Variants in ST18 observed in about 807,000 individuals in gnomAD.
ST18 encodes ST18 C2H2C-type zinc finger transcription factor, also known as suppression of tumorigenicity 18 protein.
A neutral mutation model predicts 110.0 loss-of-function variants in ST18; 50 were observed. The observed-to-expected ratio is 0.45, with a 90% CI of 0.36 to 0.58. The LOEUF (loss-of-function observed/expected upper bound fraction) is 0.58, where lower values mean the gene tolerates loss of function less well. Among genes scored for constraint, ST18 ranks in the 20% least tolerant of loss-of-function variants. The pLI is 0.00. For missense variants in ST18, 1,306 were observed against 1,280.1 expected (o/e 1.02, Z -0.31); for synonymous variants, 461 against 452.4 (o/e 1.02, Z -0.24).
intron 5 of ST18, among the ~76,000 whole-genome samples, chr8:52,219,872 C>T (rs772201189): frequency 6.6e-6 from 1 of 152,208 alleles, no homozygotes; most frequent in Non-Finnish European, 1.5e-5. Context: ...TGAGTTGTCA[C>T]TGCTGGTGTA....
At chr8:52,370,381 C>T (rs1829825461) in intron 2 of ST18, among the ~76,000 whole-genome samples, 2 of 150,354 alleles carry the variant, frequency 1.3e-5, no homozygotes, top group Admixed American at 6.6e-5. Flanking sequence ...TGCATGCATG[C>T]ATGTGTGCGT....
chr8:52,378,089 T>C (rs1267738136), intron 2 of ST18, among the ~76,000 whole-genome samples: 1 of 152,080 alleles, frequency 6.6e-6, no homozygotes, highest in Non-Finnish European at 1.5e-5. Context: ...GAGAATAAAA[T>C]GGTGATTATC....
chr8:52,216,997 C>G (rs984584674), intron 6 of ST18, among the ~76,000 whole-genome samples: 2 of 152,126 alleles, frequency 1.3e-5, no homozygotes, highest in Non-Finnish European at 2.9e-5. Context: ...AGAAATCAAC[C>G]TAACTTGTTC....
chr8:52,118,695 C>T (rs73583958), intron 23 of ST18, among the ~76,000 whole-genome samples: 3,439 of 152,172 alleles, frequency 0.023, 126 homozygotes, highest in African/African-American at 0.079. Flanking sequence ...TGCTGCCAGA[C>T]CCATTTGTAA....
intron 2 of ST18, among the ~76,000 whole-genome samples, chr8:52,354,053 C>T (rs1056933314): frequency 2.6e-5 from 4 of 152,238 alleles, no homozygotes; most frequent in Non-Finnish European, 5.9e-5. Context: ...AAGTCCAGCA[C>T]CAAAGAGCAC....
chr8:52,388,771 C>T (rs7004216), intron 2 of ST18, among the ~76,000 whole-genome samples: 53,879 of 135,990 alleles, frequency 0.4, 11,155 homozygotes, highest in East Asian at 0.6. Context: ...GAACAAGCAA[C>T]ACATGGACAC....
At chr8:52,345,339 G>A (rs1266537612) in intron 2 of ST18, among the ~76,000 whole-genome samples, 1 of 152,116 alleles carries the variant, frequency 6.6e-6, no homozygotes. Context: ...ACTGATTAAA[G>A]AAAAAGGAAA....
At chr8:52,120,952 G>A (rs2044505433) in intron 23 of ST18, among the ~76,000 whole-genome samples, 1 of 152,264 alleles carries the variant, frequency 6.6e-6, no homozygotes. Context: ...ACGGAGAAGA[G>A]AGGAATCAAC....
chr8:52,125,449 G>A (rs10101317), intron 23 of ST18, among the ~76,000 whole-genome samples: 2,400 of 152,124 alleles, frequency 0.016, 51 homozygotes, highest in African/African-American at 0.055. Context: ...ACGTGAGAGA[G>A]ACTGAAGGAC....
At chr8:52,392,861 T>A (rs1477075347) in intron 2 of ST18, among the ~76,000 whole-genome samples, 1 of 152,204 alleles carries the variant, frequency 6.6e-6, no homozygotes, top group Non-Finnish European at 1.5e-5. Context: ...AAGTTACACA[T>A]GAAGACTTGG....
At chr8:52,234,966 A>G (rs2092393432) in intron 2 of ST18, among the ~76,000 whole-genome samples, 1 of 151,992 alleles carries the variant, frequency 6.6e-6, no homozygotes, top group South Asian at 2.1e-4. Flanking sequence ...ACTCAGGGGA[A>G]AGGGTGGGAA....
chr8:52,133,622 A>G (rs1052824803), intron 19 of ST18, among the ~76,000 whole-genome samples: 1 of 151,300 alleles, frequency 6.6e-6, no homozygotes, highest in African/African-American at 2.4e-5. Context: ...TATAGAAGGG[A>G]CTTGAAAATC....
chr8:52,141,496 C>T (rs143905876), intron 17 of ST18, among the ~76,000 whole-genome samples: 5 of 152,296 alleles, frequency 3.3e-5, no homozygotes, highest in Non-Finnish European at 5.9e-5. Flanking sequence ...GAAGACCTCC[C>T]GTCCCCACTT....
chr8:52,347,154 G>A (rs930921703), intron 2 of ST18, among the ~76,000 whole-genome samples: 1 of 152,168 alleles, frequency 6.6e-6, no homozygotes, highest in African/African-American at 2.4e-5. Context: ...TTATTTGTAA[G>A]GTTATGGTGA....
intron 2 of ST18, among the ~76,000 whole-genome samples, chr8:52,384,165 T>C (rs540450308): frequency 1.3e-5 from 2 of 152,346 alleles, no homozygotes; most frequent in East Asian, 1.9e-4. Flanking sequence ...CACTGCAGTG[T>C]AGCCAAAATT....
chr8:52,333,308 A>G (rs1481654492), intron 2 of ST18, among the ~76,000 whole-genome samples: 2 of 152,144 alleles, frequency 1.3e-5, no homozygotes, highest in African/African-American at 2.4e-5. Context: ...ATTAAAAAAA[A>G]AAAAAAGGTT....
At chr8:52,189,583 T>C (rs1418463652) in intron 8 of ST18, among the ~76,000 whole-genome samples, 1 of 152,218 alleles carries the variant, frequency 6.6e-6, no homozygotes, top group African/African-American at 2.4e-5. Flanking sequence ...AAGAGCCATG[T>C]CCTTTCAAGG....
intron 2 of ST18, among the ~76,000 whole-genome samples, chr8:52,245,788 A>G (rs1250733868): frequency 2.0e-5 from 3 of 152,164 alleles, no homozygotes; most frequent in Admixed American, 6.5e-5. Flanking sequence ...TAAATCAAAG[A>G]AATTAAAATA....
At chr8:52,183,402 G>A (rs2070694228) in intron 8 of ST18, among the ~76,000 whole-genome samples, 1 of 152,158 alleles carries the variant, frequency 6.6e-6, no homozygotes, top group African/African-American at 2.4e-5. Context: ...TAAAAATAAA[G>A]TTCAAGATTT....
Sources: gnomAD v4.1 joint callset for allele counts (sites outside exome capture counted in the v4.1 genomes callset) on GRCh38, gnomAD v4.1.1 for gene constraint, MANE v1.5 for transcripts, NCBI Gene and HGNC (gene_info 2026-07-23, HGNC 2026-07-21) for gene names.